ABL2: variants seen among roughly 807,000 people sequenced by gnomAD.
The protein encoded by ABL2 is ABL proto-oncogene 2, non-receptor tyrosine kinase.
ABL2 carries 49 observed loss-of-function variants against 107.7 expected under a neutral mutation model. The ratio of observed to expected loss-of-function variants is 0.45; its 90% CI spans 0.36 to 0.58. The LOEUF is 0.58. Ranked by LOEUF, ABL2 falls within the 20% of genes least tolerant of loss-of-function variation. The pLI is 0.00. For missense variants in ABL2, 1,245 were observed against 1,457.0 expected (o/e 0.85, Z 2.37); for synonymous variants, 549 against 548.6 (o/e 1.00, Z -0.01).
chr1:179,150,195 G>C (rs1255974083), intron 1 of ABL2, among the ~76,000 whole-genome samples: 1 of 152,100 alleles, frequency 6.6e-6, no homozygotes, highest in African/African-American at 2.4e-5. Flanking sequence ...ATGGTACACT[G>C]TACTCCAGCC....
intron 1 of ABL2, among the ~76,000 whole-genome samples, chr1:179,138,908 T>C (rs1158990279): frequency 6.6e-6 from 1 of 152,150 alleles, no homozygotes; most frequent in African/African-American, 2.4e-5. Context: ...CGGGTGGGCG[T>C]GGGCTTGGCG....
chr1:179,215,771 T>C (rs1571335083), intron 1 of ABL2, among the ~76,000 whole-genome samples: 2 of 152,204 alleles, frequency 1.3e-5, no homozygotes, highest in East Asian at 3.9e-4. Flanking sequence ...CCTTCAGGTA[T>C]CAACCTTTCT....
chr1:179,150,012 G>A (rs988758294), intron 1 of ABL2, among the ~76,000 whole-genome samples: 3 of 152,142 alleles, frequency 2.0e-5, no homozygotes, highest in Non-Finnish European at 4.4e-5. Context: ...TGGGAGGGCT[G>A]CTTTAGGCCA....
intron 1 of ABL2, among the ~76,000 whole-genome samples, chr1:179,202,475 T>TA (rs1661728342): frequency 6.6e-6 from 1 of 152,100 alleles, no homozygotes; most frequent in African/African-American, 2.4e-5. Flanking sequence ...ACAGGTCACA[T>TA]AAAAAAATTA....
chr1:179,184,376 AC>A, intron 1 of ABL2: 1 of 780,350 alleles, frequency 1.3e-6, no homozygotes. Flanking sequence ...ATGCGATGAA[AC>A]ATTCAAGTCA....
At chr1:179,127,649 T>C (rs1464833720) in intron 3 of ABL2, among the ~76,000 whole-genome samples, 4 of 152,200 alleles carry the variant, frequency 2.6e-5, no homozygotes, top group Non-Finnish European at 4.4e-5. Context: ...TGCCTCAGGC[T>C]CTTATCTCTA....
At chr1:179,185,801 C>G (rs1327870204) in intron 1 of ABL2, among the ~76,000 whole-genome samples, 3 of 151,976 alleles carry the variant, frequency 2.0e-5, no homozygotes, top group Admixed American at 6.6e-5. Flanking sequence ...AATGCTTTCC[C>G]TGGATAAAGT....
At position 179,124,464 on chromosome 1, in the gene ABL2, C is replaced by CTT. The variant is rs562899587; in HGVS notation, c.687+1911_687+1912dup. On this transcript the variant is annotated intron_variant, in intron 4 of 11. Transcript: ENST00000502732. ...TTCTAACATCTTAGATTAGCTTCTG[C>CTT]TTTTTTTTTTTTTTTTTTTTTTGAG... Among the ~76,000 whole-genome samples the CTT allele has an allele frequency of 3.6e-3, 303 of 83,322 alleles. 38 individuals are homozygous for CTT. Among genetic ancestry groups the CTT allele is most frequent in the Middle Eastern group, 0.016 (1 of 62 alleles). The allele number at this position is 83,322 out of a possible 152,430, so 54.7% of individuals were successfully genotyped here.
chr1:179,147,928 T>G (rs1040328812), intron 1 of ABL2, among the ~76,000 whole-genome samples: 1 of 152,216 alleles, frequency 6.6e-6, no homozygotes, highest in Non-Finnish European at 1.5e-5. Flanking sequence ...TAAGTACATG[T>G]TGTTTTATTA....
intron 1 of ABL2, among the ~76,000 whole-genome samples, chr1:179,198,769 C>A (rs908433692): frequency 6.8e-5 from 10 of 147,284 alleles, no homozygotes; most frequent in South Asian, 2.2e-4. Context: ...ATGCCACTAT[C>A]TTTTCAAACA....
rs963285360 is a variant in ABL2 at position 179,213,348 on chromosome 1, G to A, written c.157+15893C>T. Among the ~76,000 whole-genome samples the A allele has an allele frequency of 6.8e-5, 10 of 146,892 alleles. No individual in the cohort carries two copies. The East Asian group carries it at 1.2e-3, about 18-fold the overall frequency. On this transcript the variant is annotated intron_variant, in intron 1 of 11. Transcript: ENST00000502732. ...TTTGTCTTTTTTTTTCTTCCTTTTC[G>A]TGGAGAACAGAGTCTTGCTATGTTG...
intron 8 of ABL2, chr1:179,117,101 C>G: frequency 3.8e-6 from 2 of 528,846 alleles, no homozygotes; most frequent in Non-Finnish European, 6.7e-6. Context: ...GCCCAAAGTG[C>G]TGTAATTACA....
chr1:179,155,171 T>C (rs1194375232), intron 1 of ABL2, among the ~76,000 whole-genome samples: 1 of 152,246 alleles, frequency 6.6e-6, no homozygotes, highest in African/African-American at 2.4e-5. Flanking sequence ...CAAAAAGAAC[T>C]GGAAAAGTCC....
chr1:179,207,105 A>G (rs1662014842), intron 1 of ABL2, among the ~76,000 whole-genome samples: 2 of 151,828 alleles, frequency 1.3e-5, no homozygotes, highest in Admixed American at 1.3e-4. Context: ...GTATGCCCAC[A>G]TAACAACAGT....
intron 1 of ABL2, among the ~76,000 whole-genome samples, chr1:179,134,823 C>T (rs1210493780): frequency 6.6e-6 from 1 of 152,240 alleles, no homozygotes; most frequent in Non-Finnish European, 1.5e-5. Flanking sequence ...TCACTGCAAC[C>T]TCCCTGCCTG....
At chr1:179,133,287 T>C in intron 2 of ABL2, 25 bp downstream of exon 2, 1 of 1,614,100 alleles carries the variant, frequency 6.2e-7, no homozygotes, top group South Asian at 1.1e-5. Context: ...TTAGTTCAAA[T>C]CTGCAACATC....
chr1:179,132,275 G>A (rs537018490), intron 2 of ABL2, among the ~76,000 whole-genome samples: 6 of 152,134 alleles, frequency 3.9e-5, no homozygotes, highest in South Asian at 4.1e-4. Flanking sequence ...AGCCTTTTAC[G>A]ACCTGTTTTT....
rs115703163 is a variant in ABL2, at chr1:179,117,081, A to C, written c.1408+251T>G. 5.4e-3 allele frequency: 2,590 copies of C among 475,550 alleles called. 49 individuals carry two copies. The highest frequency in any genetic ancestry group is 0.046 in the African/African-American group (2,340 of 51,194). The allele number at this position is 475,550 out of a possible 1,614,324, so 29.5% of individuals were successfully genotyped here. A position where few individuals can be genotyped will look rare whatever the true frequency, so the allele number is the denominator to read the frequency against. On this transcript the variant is annotated intron_variant, in intron 8 of 11. Transcript: ENST00000502732. ...TCGAACTCTTGACCTCAAGTGATCC[A>C]CCCATCTCGGCCCAAAGTGCTGTAA...
Position 179,121,762 on chromosome 1 carries a change from T to C in ABL2, c.793A>G (p.Lys265Glu). Reference protein sequence around the residue: ...LVTTLHYPAPKCNKPTVYGVS... With the variant: ...LVTTLHYPAPECNKPTVYGVS... ...CCATAGACTGTAGGCTTATTACACTTGGGTGCTGGGTAGTGTAATGTTGTC... is the reference window on the plus strand; with the variant it reads ...CCATAGACTGTAGGCTTATTACACTCGGGTGCTGGGTAGTGTAATGTTGTC... The change falls in exon 5 of 12, where the codon AAG becomes GAG. Residue 265 changes from lysine (K) to glutamate (E), a missense_variant. Physicochemically the swap from Lys to Glu is moderately conservative, Grantham distance 56. Around this residue, in one of 3 missense-constraint regions of ABL2, gnomAD observed 320 missense variants for 547.0 expected, o/e 0.59. Coordinates refer to ENST00000502732, the MANE Select transcript of ABL2 (RefSeq NM_007314.4). 5 of 1,614,132 alleles carry C rather than the reference T, an allele frequency of 3.1e-6. No homozygotes were observed. The highest frequency in any genetic ancestry group is 4.2e-6 in the Non-Finnish European group (5 of 1,180,032).
Sources: gnomAD v4.1 joint callset for allele counts (sites outside exome capture counted in the v4.1 genomes callset) on GRCh38, gnomAD v4.1.1 for gene constraint, gnomAD v4.1.1 regional missense constraint, MANE v1.5 for transcripts, NCBI Gene and HGNC (gene_info 2026-07-23, HGNC 2026-07-21) for gene names.